Variants in SH3PXD2A observed in about 807,000 individuals in gnomAD.
SH3PXD2A encodes SH3 and PX domain-containing protein 2A.
In SH3PXD2A, 32 loss-of-function variants were observed where a neutral mutation model predicts 115.2. The ratio of observed to expected loss-of-function variants is 0.28; its 90% confidence interval spans 0.21 to 0.37. The LOEUF (loss-of-function observed/expected upper bound fraction) is 0.37, where lower values mean the gene tolerates loss of function less well. SH3PXD2A is among the 10% of genes least tolerant of loss of function. The pLI is 1.00. For synonymous variants in SH3PXD2A, 610 were observed against 629.1 expected (o/e 0.97, Z 0.45); for missense variants, 1,328 against 1,498.7 (o/e 0.89, Z 1.88).
intron 1 of SH3PXD2A, among the ~76,000 whole-genome samples, chr10:103,838,444 G>T (rs1010727967): frequency 2.0e-5 from 3 of 152,166 alleles, no homozygotes; most frequent in Admixed American, 2.0e-4. Flanking sequence ...CTCACCCAAG[G>T]CCACACAGCA....
chr10:103,801,850 C>G (rs1425482324), intron 1 of SH3PXD2A, among the ~76,000 whole-genome samples: 1 of 152,132 alleles, frequency 6.6e-6, no homozygotes, highest in East Asian at 1.9e-4. Context: ...AATACAGGTG[C>G]CTGCCACCAT....
At chr10:103,640,277 T>C in intron 8 of SH3PXD2A, among the ~76,000 whole-genome samples, 1 of 151,478 alleles carries the variant, frequency 6.6e-6, no homozygotes, top group Non-Finnish European at 1.5e-5. Context: ...ATCGCACCAC[T>C]GCACTGTAGC....
chr10:103,805,201 G>C (rs1187995401), intron 1 of SH3PXD2A, among the ~76,000 whole-genome samples: 2 of 152,210 alleles, frequency 1.3e-5, no homozygotes, highest in Non-Finnish European at 2.9e-5. Context: ...CAGGCTCACA[G>C]CCCCTGGCAG....
intron 8 of SH3PXD2A, among the ~76,000 whole-genome samples, chr10:103,639,297 G>C (rs1001975294): frequency 1.3e-5 from 2 of 152,198 alleles, no homozygotes; most frequent in Non-Finnish European, 2.9e-5. Context: ...TGGCTTCATA[G>C]GGGATTATTC....
At chr10:103,745,151 G>A (rs1338372261) in intron 3 of SH3PXD2A, among the ~76,000 whole-genome samples, 1 of 152,198 alleles carries the variant, frequency 6.6e-6, no homozygotes, top group Non-Finnish European at 1.5e-5. Flanking sequence ...AAGCTGCTAG[G>A]AAGCATCTTT....
In SH3PXD2A at chr10:103,622,511, C is replaced by T. The variant is rs578015462; in HGVS notation, c.761G>A (p.Arg254Gln). ...GTTGACCATCCCGCCCAGGGTCCAC[C>T]GGCGATCCAGGCGCCGCAGATGGGC... ...RKAHLRRLDR[R>Q]WTLGGMVNRQ... Residue 254 changes from arginine to glutamine, a missense_variant, in exon 10 of 15, where the codon CGG becomes CAG. Physicochemically the swap from Arg to Gln is conservative, Grantham distance 43. Around this residue, in one of 5 missense-constraint regions of SH3PXD2A, gnomAD observed 509 missense variants for 628.3 expected, o/e 0.81. Transcript: ENST00000369774. 5.2e-5 allele frequency: 80 copies of T among 1,550,220 alleles called. No individual in the cohort carries two copies. The highest frequency in any genetic ancestry group is 1.7e-4 in the Middle Eastern group (1 of 6,010).
At chr10:103,766,972 A>C in intron 3 of SH3PXD2A, 122 bp downstream of exon 3, 1 of 697,158 alleles carries the variant, frequency 1.4e-6, no homozygotes, top group Non-Finnish European at 2.5e-6. Context: ...GGAATTGTTC[A>C]TATGCAGATT....
chr10:103,645,607 G>GCCC (rs1400013901), intron 8 of SH3PXD2A, among the ~76,000 whole-genome samples: 1 of 152,140 alleles, frequency 6.6e-6, no homozygotes, highest in Admixed American at 6.5e-5. Context: ...GCTCAGGGAG[G>GCCC]CCCCACAGGC....
intron 3 of SH3PXD2A, among the ~76,000 whole-genome samples, chr10:103,745,218 G>A (rs551031881): frequency 2.6e-5 from 4 of 152,226 alleles, no homozygotes; most frequent in Non-Finnish European, 4.4e-5. Context: ...CAACAGAAAA[G>A]ACAGCAAAGC....
chr10:103,784,217 C>A lies in SH3PXD2A; in HGVS notation c.154-17048G>T, dbSNP rs561444162. On this transcript the variant is annotated intron_variant, in intron 2 of 14. Transcript: ENST00000369774. This position sits in a 1 kb window ranked among gnomAD's most constrained non-coding sequence, Gnocchi z 4.4. ...ACCTGTGTGCAGGCCTGCCCTTTTC[C>A]AGGTCCCGCCCTCCCTGGACTTCAG... 6.6e-6 allele frequency among the ~76,000 whole-genome samples: 1 copy of A among 152,220 alleles called. No individual in the cohort carries two copies. Among genetic ancestry groups the A allele is most frequent in the African/African-American group, 2.4e-5 (1 of 41,454 alleles).
intron 6 of SH3PXD2A, among the ~76,000 whole-genome samples, chr10:103,691,563 G>A (rs1180586005): frequency 2.0e-5 from 3 of 152,016 alleles, no homozygotes; most frequent in African/African-American, 7.3e-5. Context: ...TCTTCCCCAG[G>A]CTCACCCCAC....
At chr10:103,833,098 G>C (rs2039498215) in intron 1 of SH3PXD2A, among the ~76,000 whole-genome samples, 1 of 152,170 alleles carries the variant, frequency 6.6e-6, no homozygotes. Context: ...AAACTCTCTT[G>C]AACAAAATTG....
At chr10:103,787,782 AC>A (rs1429240054) in intron 2 of SH3PXD2A, among the ~76,000 whole-genome samples, 1 of 152,172 alleles carries the variant, frequency 6.6e-6, no homozygotes. Flanking sequence ...CAAAAAACAA[AC>A]AAACAAAAAA....
intron 2 of SH3PXD2A, among the ~76,000 whole-genome samples, chr10:103,782,194 C>T (rs563063985): frequency 6.6e-6 from 1 of 152,304 alleles, no homozygotes; most frequent in East Asian, 1.9e-4. Context: ...TGTTCCACGC[C>T]GGTGCTACTC....
At chr10:103,767,986 C>T (rs1379184304) in intron 2 of SH3PXD2A, among the ~76,000 whole-genome samples, 2 of 152,122 alleles carry the variant, frequency 1.3e-5, no homozygotes, top group African/African-American at 4.8e-5. Context: ...AGCTGTGTGA[C>T]CTCAGGCAAG....
chr10:103,791,986 G>A (rs1433430023), intron 2 of SH3PXD2A, among the ~76,000 whole-genome samples: 2 of 152,074 alleles, frequency 1.3e-5, no homozygotes, highest in Non-Finnish European at 2.9e-5. Context: ...CTGCCAAAGG[G>A]GAACTCAGGA....
At chr10:103,780,207 C>T (rs1461827726) in intron 2 of SH3PXD2A, among the ~76,000 whole-genome samples, 2 of 152,224 alleles carry the variant, frequency 1.3e-5, no homozygotes, top group South Asian at 4.1e-4. Context: ...AGCAGGCCCC[C>T]AGTGTGCAAC....
At chr10:103,675,005 A>G (rs1465013011) in intron 6 of SH3PXD2A, among the ~76,000 whole-genome samples, 1 of 152,036 alleles carries the variant, frequency 6.6e-6, no homozygotes, top group African/African-American at 2.4e-5. Flanking sequence ...GATGTGGGCA[A>G]CTCTACAAAA....
At chr10:103,783,472 G>A (rs1378397024) in intron 2 of SH3PXD2A, among the ~76,000 whole-genome samples, 2 of 152,224 alleles carry the variant, frequency 1.3e-5, no homozygotes, top group Non-Finnish European at 2.9e-5. Flanking sequence ...CTGAGAAGAT[G>A]AGCTGAGGAC....
Sources: allele counts gnomAD v4.1 joint callset (sites outside exome capture counted in the v4.1 genomes callset), GRCh38; gene constraint gnomAD v4.1.1; regional missense constraint gnomAD v4.1.1; non-coding constraint Gnocchi (gnomAD v3.1); transcripts MANE v1.5; gene names NCBI Gene and HGNC (gene_info 2026-07-23, HGNC 2026-07-21).